The following RIMS3 variants were observed in gnomAD, a reference collection of about 807,000 sequenced individuals.
RIMS3 encodes the protein regulating synaptic membrane exocytosis protein 3.
Under a neutral mutation model 29.2 loss-of-function variants are expected in RIMS3, and 15 were observed. The ratio of observed to expected loss-of-function variants is 0.51; its 90% CI spans 0.34 to 0.79. The LOEUF (loss-of-function observed/expected upper bound fraction) is 0.79, where lower values mean the gene tolerates loss of function less well. RIMS3 is among the 30% of genes least tolerant of loss of function. The pLI, the probability that RIMS3 is intolerant of heterozygous loss-of-function variation, is 0.01. For missense variants in RIMS3, 342 were observed against 421.4 expected (o/e 0.81, Z 1.65); for synonymous variants, 161 against 170.1 (o/e 0.95, Z 0.41).
the RIMS3 span, among the ~76,000 whole-genome samples, chr1:40,674,069 G>A: frequency 5.9e-5 from 9 of 152,156 alleles, no homozygotes; most frequent in Non-Finnish European, 4.4e-5. Flanking sequence ...CTTACAGTAA[G>A]TGGTTATTGT....
chr1:40,646,658 C>A (rs745963433), intron 2 of RIMS3, among the ~76,000 whole-genome samples: 7 of 152,168 alleles, frequency 4.6e-5, no homozygotes, highest in Non-Finnish European at 8.8e-5. Flanking sequence ...CTACTGCCCC[C>A]ACTCCTGCCA....
chr1:40,656,737 T>A (rs1642278116), intron 1 of RIMS3, among the ~76,000 whole-genome samples: 1 of 147,070 alleles, frequency 6.8e-6, no homozygotes, highest in African/African-American at 2.5e-5. Context: ...GAGCTGAGAT[T>A]GCGCCATTGC....
At chr1:40,679,914 A>G in the RIMS3 span, among the ~76,000 whole-genome samples, 1 of 150,580 alleles carries the variant, frequency 6.6e-6, no homozygotes, top group African/African-American at 2.4e-5. Context: ...TTTGGCACAT[A>G]TGTAACTTAC....
rs889347089 is a variant in RIMS3 at position 40,629,489 on chromosome 1, G to A, written c.473-117C>T. On this transcript the variant is annotated intron_variant, in intron 5 of 7. Transcript: ENST00000372684. ...TACATCATCACTAGAAAGGGAACAA[G>A]ATGGCACCAACCACATGGGCCAAAA... 3 of 878,338 alleles carry A rather than the reference G, an allele frequency of 3.4e-6. No homozygotes were observed. The African/African-American group carries it at 5.0e-5, about 15-fold the overall frequency. 54.4% of individuals were successfully genotyped at this position (878,338 alleles called of 1,614,324 possible).
At chr1:40,646,744 TGGC>T (rs1646598494) in intron 2 of RIMS3, among the ~76,000 whole-genome samples, 1 of 152,180 alleles carries the variant, frequency 6.6e-6, no homozygotes, top group Non-Finnish European at 1.5e-5. Context: ...CTTGGATGTT[TGGC>T]CTCTACCCTG....
chr1:40,628,063 A>G (rs899719890), intron 7 of RIMS3, among the ~76,000 whole-genome samples: 1 of 152,126 alleles, frequency 6.6e-6, no homozygotes, highest in East Asian at 1.9e-4. Context: ...AGCCACCACC[A>G]TGATTGTTAA....
chr1:40,690,126 T>C, the RIMS3 span, among the ~76,000 whole-genome samples: 1 of 152,232 alleles, frequency 6.6e-6, no homozygotes, highest in African/African-American at 2.4e-5. Context: ...TGATCAATAC[T>C]TAATTATAAC....
chr1:40,677,041 C>G, the RIMS3 span, among the ~76,000 whole-genome samples: 1 of 151,070 alleles, frequency 6.6e-6, no homozygotes, highest in African/African-American at 2.4e-5. Flanking sequence ...CTCTGTCACC[C>G]AGGCTGGAGT....
rs1040245493 is a variant in RIMS3, at chr1:40,626,069, ACAAAG to A, written c.*443_*447del. On this transcript the variant is annotated 3_prime_UTR_variant, in exon 8 of 8. Transcript: ENST00000372684. The stretch of plus-strand genomic sequence containing the variant: ...AGTGGAACAAAAGACAAGACAGAAA[ACAAAG>A]CAGAGACCACCAGGAGCAGGCACAG... The A allele has an allele frequency of 7.2e-5, 15 of 209,528 alleles. No homozygotes were observed. Among genetic ancestry groups the A allele is most frequent in the Non-Finnish European group, 1.3e-4 (13 of 101,992 alleles). The allele number at this position is 209,528 out of a possible 1,614,324, so 13.0% of individuals were successfully genotyped here.
At chr1:40,658,615 G>T (rs1642304656) in intron 1 of RIMS3, among the ~76,000 whole-genome samples, 1 of 152,218 alleles carries the variant, frequency 6.6e-6, no homozygotes, top group Non-Finnish European at 1.5e-5. Flanking sequence ...TGGGAGTTTG[G>T]GATTGGATCT....
chr1:40,637,863 G>C (rs1646530989), intron 3 of RIMS3, among the ~76,000 whole-genome samples: 1 of 152,128 alleles, frequency 6.6e-6, no homozygotes, highest in Non-Finnish European at 1.5e-5. Flanking sequence ...CTCCCTGTCC[G>C]TGGCTCCTAA....
chr1:40,630,614 G>C (rs1020119693), intron 5 of RIMS3, among the ~76,000 whole-genome samples: 10 of 152,338 alleles, frequency 6.6e-5, no homozygotes, highest in Middle Eastern at 6.8e-3. Flanking sequence ...TTGTGGGGAA[G>C]GGAGAAGGGA....
chr1:40,684,521 C>T, the RIMS3 span, among the ~76,000 whole-genome samples: 3 of 152,046 alleles, frequency 2.0e-5, no homozygotes, highest in Admixed American at 6.6e-5. Context: ...AAAACAAAGC[C>T]GGAAGAAGGG....
chr1:40,640,535 C>T (rs1167440321), intron 3 of RIMS3, among the ~76,000 whole-genome samples: 1 of 152,220 alleles, frequency 6.6e-6, no homozygotes, highest in Non-Finnish European at 1.5e-5. Flanking sequence ...CCCCCGCCCC[C>T]TCACCATCCC....
In RIMS3 at chr1:40,650,584, C is replaced by T. The variant is rs556824107; in HGVS notation, c.-206-2742G>A. Reference sequence around the variant, plus strand: ...AGTCCTCAAAAGTACCACCTTGGGCCGGGCGTGGGGCTCATGCTTGTAATC... The same window carrying T: ...AGTCCTCAAAAGTACCACCTTGGGCTGGGCGTGGGGCTCATGCTTGTAATC... On this transcript the variant is annotated intron_variant, in intron 1 of 7. Coordinates refer to ENST00000372684, the MANE Select transcript of RIMS3 (RefSeq NM_014747.3). Among the ~76,000 whole-genome samples, 9 of 151,992 alleles carry T rather than the reference C, an allele frequency of 5.9e-5. No homozygotes were observed. The South Asian group carries it at 8.3e-4, about 14-fold the overall frequency.
intron 2 of RIMS3, among the ~76,000 whole-genome samples, chr1:40,643,132 G>GTATT (rs1051937404): frequency 7.3e-5 from 11 of 151,674 alleles, no homozygotes; most frequent in South Asian, 4.2e-4. Context: ...TCTTTTATTT[G>GTATT]TATTTATTTA....
At position 40,622,692 on chromosome 1, in the gene RIMS3, C is replaced by G. The variant is rs1474201131; in HGVS notation, c.*3825G>C. 1 of 152,664 alleles carries G rather than the reference C, an allele frequency of 6.6e-6. No homozygotes were observed. The highest frequency in any genetic ancestry group is 2.4e-5 in the African/African-American group (1 of 41,434). The allele number at this position is 152,664 out of a possible 1,614,324, so 9.5% of individuals were successfully genotyped here. On this transcript the variant is annotated 3_prime_UTR_variant, in exon 8 of 8. Transcript: ENST00000372684. ...ACTCATCTACAACATCAAGCAAAGG[C>G]AGCAATTTCTTGCAGAGTTTGCACA... is the stretch of plus-strand genomic sequence containing the variant.
intron 1 of RIMS3, among the ~76,000 whole-genome samples, chr1:40,649,677 G>T (rs537896295): frequency 1.3e-5 from 2 of 152,340 alleles, no homozygotes; most frequent in South Asian, 4.1e-4. Flanking sequence ...CCGGACAAAG[G>T]AGCTCATCGG....
At chr1:40,691,744 G>T in the RIMS3 span, 513 of 455,416 alleles carry the variant, frequency 1.1e-3, 1 homozygote, top group African/African-American at 9.4e-3. Flanking sequence ...CCCCCGCTTC[G>T]CGCGCGCTCC....
Sources: allele counts gnomAD v4.1 joint callset (sites outside exome capture counted in the v4.1 genomes callset), GRCh38; gene constraint gnomAD v4.1.1; transcripts MANE v1.5; gene names NCBI Gene and HGNC (gene_info 2026-07-23, HGNC 2026-07-21).